GRAMD1B: variants seen among roughly 807,000 people sequenced by gnomAD.
The protein encoded by GRAMD1B is GRAM domain containing 1B, also known as protein Aster-B.
GRAMD1B carries 37 observed loss-of-function variants against 99.7 expected under a neutral mutation model. The observed-to-expected ratio is 0.37, with a 90% CI of 0.29 to 0.49. The LOEUF is 0.49. Among genes scored for constraint, GRAMD1B ranks in the 20% least tolerant of loss-of-function variants. GRAMD1B has a pLI of 0.98. For missense variants in GRAMD1B, 888 were observed against 1,009.2 expected, an observed-to-expected ratio of 0.88 and a Z score of 1.63; for synonymous variants, 427 against 387.6, an observed-to-expected ratio of 1.10 and a Z score of -1.19.
At chr11:123,491,875 C>T (rs1666132415) in intron 2 of GRAMD1B, 1 of 399,174 alleles carries the variant, frequency 2.5e-6, no homozygotes, top group Non-Finnish European at 4.4e-6. Context: ...CAGCCAGAGA[C>T]CGTCTCTTGC....
At chr11:123,565,750 C>T (rs539528095) in intron 2 of GRAMD1B, among the ~76,000 whole-genome samples, 41 of 152,288 alleles carry the variant, frequency 2.7e-4, no homozygotes, top group African/African-American at 8.9e-4. Flanking sequence ...GACCACTATG[C>T]GCTCCTTCCA....
At chr11:123,396,948 A>G (rs546986637) in intron 1 of GRAMD1B, among the ~76,000 whole-genome samples, 308 of 152,310 alleles carry the variant, frequency 2.0e-3, no homozygotes, top group African/African-American at 6.9e-3. Flanking sequence ...CAAGCTGAGT[A>G]CTATTTTTTT....
chr11:123,448,220 C>T (rs1949725224), intron 1 of GRAMD1B, among the ~76,000 whole-genome samples: 1 of 151,934 alleles, frequency 6.6e-6, no homozygotes, highest in East Asian at 1.9e-4. Flanking sequence ...CTTTCTCTCG[C>T]TCACTCTCTT....
intron 2 of GRAMD1B, among the ~76,000 whole-genome samples, chr11:123,509,437 T>C (rs966153915): frequency 6.6e-6 from 1 of 152,230 alleles, no homozygotes; most frequent in Non-Finnish European, 1.5e-5. Context: ...TTCCATAGAT[T>C]ATTCTTTCTG....
chr11:123,614,883 C>T (rs1954134558), intron 17 of GRAMD1B, 48 bp downstream of exon 17: 2 of 1,094,680 alleles, frequency 1.8e-6, no homozygotes, highest in Non-Finnish European at 1.4e-6. Flanking sequence ...CCTTCCCTTT[C>T]CAGCCTGGTG....
intron 1 of GRAMD1B, among the ~76,000 whole-genome samples, chr11:123,378,225 T>C (rs914022924): frequency 6.6e-6 from 1 of 152,222 alleles, no homozygotes; most frequent in East Asian, 1.9e-4. Context: ...AAGACCTGCA[T>C]TGGCACCCAG....
chr11:123,375,940 T>C (rs1946678204), intron 1 of GRAMD1B, among the ~76,000 whole-genome samples: 3 of 152,026 alleles, frequency 2.0e-5, no homozygotes, highest in Non-Finnish European at 1.5e-5. Flanking sequence ...GGTGAAAAGG[T>C]AGATTTTTTT....
In GRAMD1B at chr11:123,610,341, G is replaced by A. The variant is rs370791556; in HGVS notation, c.1919+3G>A. On this transcript the variant is annotated splice_donor_region_variant and intron_variant, in intron 14 of 19. Transcript: ENST00000635736. The surrounding 1 kb of genome is among the most constrained non-coding windows in gnomAD (Gnocchi z 4.1). ...GCTCGGAACAAGAGCCGACTCAGGT[G>A]TGGTGTGTGGAAGTCCCAGTGCGGT... The A allele has an allele frequency of 6.2e-7, 1 of 1,613,896 alleles. No individual in the cohort carries two copies. Among genetic ancestry groups the A allele is most frequent in the African/African-American group, 1.3e-5 (1 of 75,048 alleles).
At chr11:123,368,114 C>T (rs1033872567) in intron 1 of GRAMD1B, among the ~76,000 whole-genome samples, 1 of 151,552 alleles carries the variant, frequency 6.6e-6, no homozygotes, top group African/African-American at 2.4e-5. Context: ...ATTAGCTGGG[C>T]GTGGTGGTGG....
At chr11:123,583,718 C>T (rs552624957) in intron 3 of GRAMD1B, among the ~76,000 whole-genome samples, 2 of 152,102 alleles carry the variant, frequency 1.3e-5, no homozygotes, top group East Asian at 3.9e-4. Context: ...GGAATGGACC[C>T]TTAGTGATTA....
chr11:123,469,787 C>CCTTCCTTT (rs1950914557), intron 1 of GRAMD1B, among the ~76,000 whole-genome samples: 2 of 146,652 alleles, frequency 1.4e-5, no homozygotes, highest in Non-Finnish European at 3.0e-5. Context: ...TTCCTTCCTT[C>CCTTCCTTT]CTTCCTTCCT....
At chr11:123,570,761 T>G (rs527581825) in intron 2 of GRAMD1B, among the ~76,000 whole-genome samples, 8 of 152,320 alleles carry the variant, frequency 5.3e-5, no homozygotes, top group Admixed American at 2.0e-4. Flanking sequence ...TCAAAAATAT[T>G]TATGGAGCGT....
At chr11:123,449,457 C>T (rs995457975) in intron 1 of GRAMD1B, among the ~76,000 whole-genome samples, 8 of 152,174 alleles carry the variant, frequency 5.3e-5, no homozygotes, top group Non-Finnish European at 1.2e-4. Flanking sequence ...ATAATTACCC[C>T]TTCATATGCC....
intron 1 of GRAMD1B, among the ~76,000 whole-genome samples, chr11:123,469,033 G>T (rs113870062): frequency 2.0e-5 from 3 of 151,868 alleles, no homozygotes; most frequent in Admixed American, 2.0e-4. Context: ...TGGAAGAGTC[G>T]ACTTGAACTC....
intron 2 of GRAMD1B, among the ~76,000 whole-genome samples, chr11:123,543,217 C>G (rs1944723480): frequency 6.6e-6 from 1 of 152,216 alleles, no homozygotes; most frequent in African/African-American, 2.4e-5. Context: ...CTCTGCCAGC[C>G]TTCACTGCCA....
rs995116438 is a variant in GRAMD1B, at chr11:123,492,498, T to A, written c.452+11605T>A. On this transcript the variant is annotated intron_variant, in intron 2 of 19. Coordinates refer to ENST00000635736, the MANE Select transcript of GRAMD1B (RefSeq NM_001387025.1). This position sits in a 1 kb window ranked among gnomAD's most constrained non-coding sequence, Gnocchi z 4.2. ...TTTTTCCTAAAACAGCCCCCATACCTGGCAGATGGGCTGCAGTGGCTCCTG... is the reference window on the plus strand; with the variant it reads ...TTTTTCCTAAAACAGCCCCCATACCAGGCAGATGGGCTGCAGTGGCTCCTG... Among the ~76,000 whole-genome samples, 1 of 152,180 alleles carries A rather than the reference T, an allele frequency of 6.6e-6. No individual in the cohort carries two copies. Among genetic ancestry groups the A allele is most frequent in the Admixed American group, 6.5e-5 (1 of 15,278 alleles).
intron 2 of GRAMD1B, among the ~76,000 whole-genome samples, chr11:123,530,414 G>A (rs1943232904): frequency 6.6e-6 from 1 of 152,056 alleles, no homozygotes; most frequent in Non-Finnish European, 1.5e-5. Flanking sequence ...TTTCACTCTT[G>A]TCACCCAGGC....
At chr11:123,558,390 A>G (rs1436907733) in intron 2 of GRAMD1B, among the ~76,000 whole-genome samples, 2 of 152,192 alleles carry the variant, frequency 1.3e-5, no homozygotes, top group African/African-American at 2.4e-5. Context: ...CCAACAGAGG[A>G]CAACAGAACC....
chr11:123,516,837 A>G (rs1220819615), intron 2 of GRAMD1B, among the ~76,000 whole-genome samples: 1 of 152,178 alleles, frequency 6.6e-6, no homozygotes, highest in Non-Finnish European at 1.5e-5. Context: ...TGGATTATTG[A>G]CTTGAGATCA....
Sources: gnomAD v4.1 joint callset for allele counts (sites outside exome capture counted in the v4.1 genomes callset) on GRCh38, gnomAD v4.1.1 for gene constraint, Gnocchi (gnomAD v3.1) non-coding constraint, MANE v1.5 for transcripts, NCBI Gene and HGNC (gene_info 2026-07-23, HGNC 2026-07-21) for gene names.